HIF1A: variants seen among roughly 807,000 people sequenced by gnomAD.
HIF1A encodes hypoxia-inducible factor 1-alpha.
A neutral mutation model predicts 92.7 loss-of-function variants in HIF1A; 24 were observed. That is an observed-to-expected ratio of 0.26 (90% CI 0.19 to 0.36). The LOEUF (loss-of-function observed/expected upper bound fraction) is 0.36, where lower values mean the gene tolerates loss of function less well. Among genes scored for constraint, HIF1A ranks in the 10% least tolerant of loss-of-function variants. The pLI is 1.00. For synonymous variants in HIF1A, 319 were observed against 338.7 expected (o/e 0.94, Z 0.64); for missense variants, 799 against 998.5 (o/e 0.80, Z 2.69).
chr14:61,701,856 C>G (rs1016158517), intron 1 of HIF1A, among the ~76,000 whole-genome samples: 1 of 152,008 alleles, frequency 6.6e-6, no homozygotes, highest in East Asian at 1.9e-4. Flanking sequence ...GGCGTGGTGG[C>G]GGGTGCCTGT....
intron 13 of HIF1A, 127 bp downstream of exon 13, chr14:61,744,940 A>G (rs2044760006): frequency 2.0e-6 from 1 of 501,216 alleles, no homozygotes; most frequent in African/African-American, 2.0e-5. Flanking sequence ...CAGAAGTTAT[A>G]CATTGGGTTT....
chr14:61,743,042 A>C (rs2044733316), intron 12 of HIF1A, among the ~76,000 whole-genome samples: 1 of 152,180 alleles, frequency 6.6e-6, no homozygotes, highest in Non-Finnish European at 1.5e-5. Flanking sequence ...TCAAAGCCAA[A>C]GTGTAACAAC....
Position 61,747,182 on chromosome 14 carries a change from T to G in HIF1A, c.*97T>G. The G allele has an allele frequency of 9.4e-7, 1 of 1,060,374 alleles. No homozygotes were observed. Among genetic ancestry groups the G allele is most frequent in the Non-Finnish European group, 1.4e-6 (1 of 740,500 alleles). 65.7% of individuals were successfully genotyped at this position (1,060,374 alleles called of 1,614,324 possible). On this transcript the variant is annotated 3_prime_UTR_variant, in exon 15 of 15. Transcript: ENST00000337138. ...CTACATCTAATTTTAGAAGCCTGGCTACAATACTGCACAAACTTGGTTAGT... is the reference window on the plus strand; with the variant it reads ...CTACATCTAATTTTAGAAGCCTGGCGACAATACTGCACAAACTTGGTTAGT...
intron 4 of HIF1A, among the ~76,000 whole-genome samples, chr14:61,722,243 C>A (rs1227818695): frequency 6.6e-6 from 1 of 152,052 alleles, no homozygotes; most frequent in Non-Finnish European, 1.5e-5. Context: ...TGCTACCATG[C>A]CCAGCTAAAT....
At chr14:61,722,086 CTTTTT>C (rs5809118) in intron 4 of HIF1A, among the ~76,000 whole-genome samples, 1 of 143,500 alleles carries the variant, frequency 7.0e-6, no homozygotes. Context: ...TTACAAATAA[CTTTTT>C]TTTTTTTTTT....
intron 6 of HIF1A, among the ~76,000 whole-genome samples, chr14:61,728,752 T>C (rs1370242437): frequency 1.3e-5 from 2 of 152,212 alleles, no homozygotes; most frequent in African/African-American, 4.8e-5. Flanking sequence ...ACTTGAGTTG[T>C]TGGCATAGCT....
At chr14:61,730,035 CTGAG>C (rs1449540772) in intron 6 of HIF1A, among the ~76,000 whole-genome samples, 2 of 152,180 alleles carry the variant, frequency 1.3e-5, no homozygotes, top group African/African-American at 4.8e-5. Context: ...ATTTACTATA[CTGAG>C]TAATAATCAT....
At chr14:61,699,638 A>C (rs150368070) in intron 1 of HIF1A, among the ~76,000 whole-genome samples, 149 of 152,300 alleles carry the variant, frequency 9.8e-4, no homozygotes, top group African/African-American at 3.3e-3. Context: ...GATTAACATA[A>C]GTCTGTTTCT....
At position 61,698,068 on chromosome 14, in the gene HIF1A, G is replaced by A. The variant is rs1165690971; in HGVS notation, c.35+2229G>A. The stretch of plus-strand genomic sequence containing the variant: ...TTGATTTTTAGATTTTTAAGGGAAT[G>A]TCAAGAGAGTAATGATTCTGTTTCA... On this transcript the variant is annotated intron_variant, in intron 1 of 14. Transcript: ENST00000337138. 5 of 514,666 alleles carry A rather than the reference G, an allele frequency of 9.7e-6. No homozygotes were observed. The East Asian group carries it at 1.7e-4, about 18-fold the overall frequency. 31.9% of individuals were successfully genotyped at this position (514,666 alleles called of 1,614,324 possible).
chr14:61,742,745 G>A (rs544220826), intron 12 of HIF1A, among the ~76,000 whole-genome samples: 1 of 151,998 alleles, frequency 6.6e-6, no homozygotes, highest in Non-Finnish European at 1.5e-5. Flanking sequence ...TTAGCTGGGC[G>A]TGGTGGCACG....
chr14:61,740,979 A>G lies in HIF1A; in HGVS notation c.1884A>G (p.Thr628=). 6.2e-7 allele frequency: 1 copy of G among 1,614,156 alleles called. No individual in the cohort carries two copies. The highest frequency in any genetic ancestry group is 1.1e-5 in the South Asian group (1 of 91,086). ...TATTDELKTV[T]KDRMEDIKIL... ...CCACTGATGAATTAAAAACAGTGAC[A>G]AAAGACCGTATGGAAGACATTAAAA... is the stretch of plus-strand genomic sequence containing the variant. Residue 628 remains threonine, a synonymous_variant, in exon 12 of 15, where the codon ACA becomes ACG. Transcript: ENST00000337138.
At chr14:61,712,515 A>G (rs913605237) in intron 1 of HIF1A, among the ~76,000 whole-genome samples, 1 of 150,854 alleles carries the variant, frequency 6.6e-6, no homozygotes, top group African/African-American at 2.4e-5. Context: ...TGTTACAGAA[A>G]AAGATTACAG....
chr14:61,724,349 T>TCTCTCTCTCTCTCTCTCTC (rs1555338397), intron 4 of HIF1A, among the ~76,000 whole-genome samples: 32 of 96,100 alleles, frequency 3.3e-4, no homozygotes, highest in Non-Finnish European at 4.0e-4. Flanking sequence ...CACACACACA[T>TCTCTCTCTCTCTCTCTCTC]TCTCTCTCTC....
At position 61,741,177 on chromosome 14, in the gene HIF1A, T is replaced by G. The variant is rs766350262; in HGVS notation, c.2082T>G (p.Ala694=). 1 of 1,596,204 alleles carries G rather than the reference T, an allele frequency of 6.3e-7. No individual in the cohort carries two copies. Among genetic ancestry groups the G allele is most frequent in the Non-Finnish European group, 8.5e-7 (1 of 1,173,064 alleles). ...GAAGCCCTAACGTGTTATCTGTCGC[T>G]TTGAGTCAAAGGTATTTATATGTAA... is the stretch of plus-strand genomic sequence containing the variant. The part of the protein sequence containing the change: ...HPRSPNVLSV[A]LSQRTTVPEE... The change falls in exon 12 of 15, where the codon GCT becomes GCG. Residue 694 remains alanine (A), a synonymous_variant. Coordinates refer to ENST00000337138, the MANE Select transcript of HIF1A (RefSeq NM_001530.4).
intron 1 of HIF1A, among the ~76,000 whole-genome samples, chr14:61,710,695 TAAC>T (rs1381774454): frequency 1.3e-5 from 2 of 152,082 alleles, no homozygotes; most frequent in African/African-American, 2.4e-5. Flanking sequence ...ATAGAAAATG[TAAC>T]AACAGATCCT....
chr14:61,709,358 A>G (rs866844728), intron 1 of HIF1A, among the ~76,000 whole-genome samples: 1 of 152,250 alleles, frequency 6.6e-6, no homozygotes, highest in Non-Finnish European at 1.5e-5. Flanking sequence ...ATGTAAACAC[A>G]TGGAAAAGTA....
chr14:61,721,465 C>T (rs762091370), intron 2 of HIF1A, 44 bp from the exon 3 acceptor site: 1 of 1,523,880 alleles, frequency 6.6e-7, no homozygotes, highest in Non-Finnish European at 9.0e-7. Flanking sequence ...CATTTAAGTA[C>T]AACTTTTTAA....
chr14:61,715,018 G>A (rs1292623206), intron 1 of HIF1A, among the ~76,000 whole-genome samples: 1 of 152,028 alleles, frequency 6.6e-6, no homozygotes, highest in Non-Finnish European at 1.5e-5. Flanking sequence ...TGGGCAACAA[G>A]GGTGAAATGC....
rs550757094 is a variant in HIF1A, at chr14:61,741,044, A to G, written c.1949A>G (p.Glu650Gly). The change falls in exon 12 of 15, where the codon GAA (glutamate) becomes GGA (glycine). Residue 650 changes from glutamate (E) to glycine (G), a missense_variant. By Grantham distance (98) the Glu-to-Gly change is moderately conservative (BLOSUM62 -2). Transcript: ENST00000337138. Reference protein sequence around the residue: ...ASPSPTHIHKETTSATSSPYR... With the variant: ...ASPSPTHIHKGTTSATSSPYR... ...CCATCTCCTACCCACATACATAAAG[A>G]AACTACTAGTGCCACATCATCACCA... 5.6e-6 allele frequency: 9 copies of G among 1,614,148 alleles called. No homozygotes were observed. The East Asian group carries it at 1.3e-4, about 24-fold the overall frequency.
Sources: allele counts gnomAD v4.1 joint callset (sites outside exome capture counted in the v4.1 genomes callset), GRCh38; gene constraint gnomAD v4.1.1; transcripts MANE v1.5; gene names NCBI Gene and HGNC (gene_info 2026-07-23, HGNC 2026-07-21).